The following FGF13 variants were observed in gnomAD, a reference collection of about 807,000 sequenced individuals.
FGF13 encodes fibroblast growth factor homologous factor 2.
In FGF13, 2 loss-of-function variants were observed where a neutral mutation model predicts 19.5. The ratio of observed to expected loss-of-function variants is 0.10; its 90% CI spans 0.04 to 0.32. The LOEUF is 0.32. Among genes scored for constraint, FGF13 ranks in the 10% least tolerant of loss-of-function variants. The probability of loss-of-function intolerance (pLI) is 1.00; values close to 1 mark genes in which losing one functional copy is unlikely to be tolerated. For synonymous variants in FGF13, 72 were observed against 76.9 expected (o/e 0.94, Z 0.33); for missense variants, 113 against 192.7 (o/e 0.59, Z 2.45).
At chrX:138,958,907 T>C (rs1014417149) in intron 1 of FGF13, among the ~76,000 whole-genome samples, 2 of 111,766 alleles carry the variant, frequency 1.8e-5, no homozygotes, top group African/African-American at 6.5e-5. Flanking sequence ...TTGATTCTTC[T>C]CTCTTTTCCT....
At chrX:138,903,528 C>G (rs2091542748) in intron 1 of FGF13, among the ~76,000 whole-genome samples, 1 of 111,485 alleles carries the variant, frequency 9.0e-6, no homozygotes, top group Non-Finnish European at 1.9e-5. Flanking sequence ...TAAGAAGTCT[C>G]CAAACCCCAA....
chrX:138,896,391 A>G (rs2091504363), intron 1 of FGF13, among the ~76,000 whole-genome samples: 1 of 111,726 alleles, frequency 9.0e-6, no homozygotes. Flanking sequence ...GTACACAATA[A>G]TGAGTCATAA....
In FGF13 at chrX:139,103,461, C is replaced by T. The variant is rs538990535; in HGVS notation, c.-113+99955G>A. Among the ~76,000 whole-genome samples, 7 of 111,842 alleles carry T rather than the reference C, an allele frequency of 6.3e-5. No individual in the cohort carries two copies. The South Asian group carries it at 1.9e-3, about 30-fold the overall frequency. On this transcript the variant is annotated intron_variant, in intron 1 of 2. Coordinates refer to the FGF13 transcript ENST00000421460. Reference sequence around the variant, plus strand: ...TATTATAAGTCTACCTATGAAAGTCCAGAATAAGCAAATTCATTCAAACAG... The same window carrying T: ...TATTATAAGTCTACCTATGAAAGTCTAGAATAAGCAAATTCATTCAAACAG...
chrX:139,026,427 G>A (rs148376558), intron 1 of FGF13, among the ~76,000 whole-genome samples: 37 of 112,094 alleles, frequency 3.3e-4, no homozygotes, highest in Non-Finnish European at 1.1e-4. Flanking sequence ...CATAAAAAAT[G>A]TTTACTGAAT....
chrX:139,059,037 G>C (rs1245158216), intron 1 of FGF13, among the ~76,000 whole-genome samples: 3 of 111,527 alleles, frequency 2.7e-5, no homozygotes, highest in African/African-American at 9.8e-5. Context: ...TGAAAGAAAA[G>C]GGGGTGGAGA....
chrX:138,768,711 A>G (rs1370486845), intron 3 of FGF13, among the ~76,000 whole-genome samples: 1 of 101,250 alleles, frequency 9.9e-6, no homozygotes, highest in Non-Finnish European at 2.0e-5. Context: ...TTATATATAT[A>G]TATATAAGTA....
At chrX:138,731,894 C>T (rs2090234819) in intron 1 of FGF13, among the ~76,000 whole-genome samples, 1 of 111,173 alleles carries the variant, frequency 9.0e-6, no homozygotes. Flanking sequence ...CTGTGAACAA[C>T]TCAATAAGAT....
At chrX:138,834,457 T>C (rs2091097143) in intron 3 of FGF13, among the ~76,000 whole-genome samples, 2 of 111,681 alleles carry the variant, frequency 1.8e-5, no homozygotes, top group African/African-American at 6.5e-5. Context: ...TCCTATTCTC[T>C]GATAGTTGTT....
chrX:138,699,818 C>T (rs2089929846), intron 3 of FGF13, among the ~76,000 whole-genome samples: 1 of 111,464 alleles, frequency 9.0e-6, no homozygotes, highest in South Asian at 3.7e-4. Flanking sequence ...GTGATAACTC[C>T]CGAGTTTTAT....
chrX:139,008,605 T>G (rs1159662407), intron 1 of FGF13, among the ~76,000 whole-genome samples: 1 of 111,220 alleles, frequency 9.0e-6, no homozygotes, highest in Non-Finnish European at 1.9e-5. Context: ...GCAAAAACAA[T>G]CACTACAGTT....
chrX:138,797,842 T>C (rs753033056), intron 3 of FGF13, among the ~76,000 whole-genome samples: 19 of 111,889 alleles, frequency 1.7e-4, no homozygotes, highest in African/African-American at 5.8e-4. Context: ...TGGGAGTTCA[T>C]TCATGATTTG....
At chrX:138,837,412 G>A (rs2091120714) in intron 3 of FGF13, among the ~76,000 whole-genome samples, 1 of 111,810 alleles carries the variant, frequency 8.9e-6, no homozygotes, top group African/African-American at 3.3e-5. Context: ...ACCTGGTGAT[G>A]AGAAATGGGG....
intron 2 of FGF13, among the ~76,000 whole-genome samples, chrX:138,863,895 A>G (rs1249206807): frequency 8.9e-6 from 1 of 112,130 alleles, no homozygotes; most frequent in East Asian, 2.8e-4. Flanking sequence ...CATTTCAAAA[A>G]TAAGGGGTTT....
chrX:138,912,221 A>G (rs1270487434), intron 1 of FGF13, among the ~76,000 whole-genome samples: 1 of 112,093 alleles, frequency 8.9e-6, no homozygotes, highest in Non-Finnish European at 1.9e-5. Flanking sequence ...CTTCCCCTTT[A>G]TCTACTGAGA....
At chrX:139,027,376 A>T (rs1359690289) in intron 1 of FGF13, among the ~76,000 whole-genome samples, 2 of 112,258 alleles carry the variant, frequency 1.8e-5, no homozygotes, top group Non-Finnish European at 3.8e-5. Context: ...ATGTTCAAAA[A>T]CTTATCTGTG....
chrX:138,648,200 T>C (rs769031305), intron 3 of FGF13, among the ~76,000 whole-genome samples: 3 of 112,367 alleles, frequency 2.7e-5, no homozygotes, highest in Non-Finnish European at 3.8e-5. Flanking sequence ...CCTACAGTTA[T>C]ATTCATGCTG....
intron 3 of FGF13, among the ~76,000 whole-genome samples, chrX:138,748,527 A>C (rs902397300): frequency 1.8e-5 from 2 of 112,196 alleles, no homozygotes; most frequent in Non-Finnish European, 3.8e-5. Context: ...TCTAGCCTCC[A>C]GAACTGAGAG....
intron 1 of FGF13, among the ~76,000 whole-genome samples, chrX:139,194,480 T>C (rs750691898): frequency 1.1e-4 from 12 of 112,605 alleles, no homozygotes; most frequent in Admixed American, 2.8e-4. Context: ...GTGAGCGTCC[T>C]GCTCAAGATG....
At chrX:139,119,078 T>C (rs1023459820) in intron 1 of FGF13, among the ~76,000 whole-genome samples, 1 of 111,478 alleles carries the variant, frequency 9.0e-6, no homozygotes, top group Non-Finnish European at 1.9e-5. Context: ...GGCATGCACC[T>C]GTAGTCCCAG....
Sources: allele counts gnomAD v4.1 joint callset (sites outside exome capture counted in the v4.1 genomes callset), GRCh38; gene constraint gnomAD v4.1.1; transcripts MANE v1.5; gene names NCBI Gene and HGNC (gene_info 2026-07-23, HGNC 2026-07-21).